The following STK32B variants were observed in gnomAD, a reference collection of about 807,000 sequenced individuals.
STK32B encodes serine/threonine-protein kinase 32B.
STK32B carries 43 observed loss-of-function variants against 52.6 expected under a neutral mutation model. The ratio of observed to expected loss-of-function variants is 0.82; its 90% CI spans 0.64 to 1.05. The LOEUF (loss-of-function observed/expected upper bound fraction) is 1.05, where lower values mean the gene tolerates loss of function less well. Ranked by LOEUF, STK32B falls within the 50% of genes least tolerant of loss-of-function variation. The pLI is 0.00. For missense variants in STK32B, 621 were observed against 534.6 expected (o/e 1.16, Z -1.59); for synonymous variants, 238 against 204.3 (o/e 1.17, Z -1.41).
At chr4:5,403,738 C>G (rs940830144) in intron 5 of STK32B, among the ~76,000 whole-genome samples, 24 of 152,068 alleles carry the variant, frequency 1.6e-4, no homozygotes, top group African/African-American at 5.8e-4. Context: ...TATGTGCTAC[C>G]CCCAGCATGC....
At chr4:5,183,638 A>G (rs2108755637) in intron 3 of STK32B, among the ~76,000 whole-genome samples, 1 of 152,338 alleles carries the variant, frequency 6.6e-6, no homozygotes, top group South Asian at 2.1e-4. Context: ...ACATTTATTA[A>G]GTTCGCCTCC....
intron 4 of STK32B, among the ~76,000 whole-genome samples, chr4:5,337,987 G>A (rs569079729): frequency 2.0e-5 from 3 of 152,262 alleles, no homozygotes; most frequent in African/African-American, 7.2e-5. Flanking sequence ...GGGAAAGCCT[G>A]GAGTTTGAAA....
At chr4:5,277,687 T>A (rs1727919023) in intron 3 of STK32B, among the ~76,000 whole-genome samples, 1 of 152,252 alleles carries the variant, frequency 6.6e-6, no homozygotes, top group African/African-American at 2.4e-5. Context: ...GCTGTGCAGT[T>A]CATCTTTGTA....
At chr4:5,284,429 T>C (rs1560285375) in intron 3 of STK32B, among the ~76,000 whole-genome samples, 1 of 152,104 alleles carries the variant, frequency 6.6e-6, no homozygotes, top group Non-Finnish European at 1.5e-5. Context: ...CATAGAATAA[T>C]AGAAGGAGTG....
intron 7 of STK32B, 121 bp from the exon 8 acceptor site, chr4:5,456,686 G>A: frequency 1.1e-6 from 1 of 919,720 alleles, no homozygotes; most frequent in Non-Finnish European, 1.6e-6. Context: ...TGAAAGAGAA[G>A]CACCCACTGT....
At chr4:5,280,351 A>T (rs1480055603) in intron 3 of STK32B, among the ~76,000 whole-genome samples, 1 of 152,006 alleles carries the variant, frequency 6.6e-6, no homozygotes, top group East Asian at 1.9e-4. Flanking sequence ...CTCAGCCTGG[A>T]CTTCACTGTC....
rs560320001 is a variant in STK32B, at chr4:5,262,580, G to A, written c.261-68640G>A. Among the ~76,000 whole-genome samples the A allele has an allele frequency of 1.7e-3, 256 of 150,214 alleles. 3 individuals carry two copies. The highest frequency in any genetic ancestry group is 6.0e-3 in the African/African-American group (246 of 40,808). The stretch of plus-strand genomic sequence containing the variant: ...ATGGAGCTTGCAGTGAGCAGGGATC[G>A]TGCCACTGCACTCCAGCCTGGGCGA... On this transcript the variant is annotated intron_variant, in intron 3 of 11. Coordinates refer to ENST00000282908, the MANE Select transcript of STK32B (RefSeq NM_018401.3).
intron 4 of STK32B, among the ~76,000 whole-genome samples, chr4:5,339,412 C>T (rs1424641571): frequency 1.3e-5 from 2 of 152,068 alleles, no homozygotes; most frequent in African/African-American, 4.8e-5. Flanking sequence ...CGTTTTTTAC[C>T]TCCTTTCTTA....
At chr4:5,494,315 TC>T (rs1720013996) in intron 11 of STK32B, among the ~76,000 whole-genome samples, 1 of 152,186 alleles carries the variant, frequency 6.6e-6, no homozygotes, top group South Asian at 2.1e-4. Flanking sequence ...GTTGAATTGA[TC>T]CCTTTACCAT....
intron 2 of STK32B, among the ~76,000 whole-genome samples, chr4:5,147,284 T>C (rs1716987060): frequency 6.6e-6 from 1 of 152,154 alleles, no homozygotes; most frequent in Non-Finnish European, 1.5e-5. Context: ...TGTATCTTAA[T>C]CTCACACCCT....
chr4:5,317,000 T>TATATAATATATAATATATATG lies in STK32B; in HGVS notation c.261-14208_261-14207insATATATATGATATAATATATA, dbSNP rs1553871399. 7.5e-5 allele frequency among the ~76,000 whole-genome samples: 2 copies of TATATAATATATAATATATATG among 26,502 alleles called. 1 individual carries two copies. The highest frequency in any genetic ancestry group is 7.3e-4 in the African/African-American group (2 of 2,736). The allele number at this position is 26,502 out of a possible 152,430, so 17.4% of individuals were successfully genotyped here. On this transcript the variant is annotated intron_variant, in intron 3 of 11. Coordinates refer to ENST00000282908, the MANE Select transcript of STK32B (RefSeq NM_018401.3). Reference sequence around the variant, plus strand: ...ATAATATATAATATATATGATATAATATATAATATATATAATATATAATAT... The same window carrying TATATAATATATAATATATATG: ...ATAATATATAATATATATGATATAATATATAATATATAATATATATGATATAATATATATAATATATAATAT...
chr4:5,466,795 G>C lies in STK32B; in HGVS notation c.1002G>C (p.Lys334Asn). The change falls in exon 10 of 12, where the codon AAG becomes AAC. Residue 334 changes from lysine (K) to asparagine (N), a missense_variant. Transcript: ENST00000282908. ...PLHKKKKRLAKNRSRDGTKDS... is the reference protein window; with the variant it reads ...PLHKKKKRLANNRSRDGTKDS... ...ACAAAAAGAAGAAGCGATTGGCAAA[G>C]AACAGATCCAGGGATGGCACAAAGG... is the stretch of plus-strand genomic sequence containing the variant. The C allele has an allele frequency of 6.2e-7, 1 of 1,614,000 alleles. No homozygotes were observed. The highest frequency in any genetic ancestry group is 8.5e-7 in the Non-Finnish European group (1 of 1,179,930).
chr4:5,252,055 A>T (rs963829208), intron 3 of STK32B, among the ~76,000 whole-genome samples: 2 of 152,198 alleles, frequency 1.3e-5, no homozygotes, highest in African/African-American at 4.8e-5. Flanking sequence ...AGATCCCCCA[A>T]CGAGTCTTTG....
intron 3 of STK32B, among the ~76,000 whole-genome samples, chr4:5,178,799 G>T (rs1468103849): frequency 6.6e-6 from 1 of 152,156 alleles, no homozygotes; most frequent in Non-Finnish European, 1.5e-5. Flanking sequence ...GACTACATCA[G>T]CCTGGACTTA....
At chr4:5,061,572 G>T (rs558350696) in intron 1 of STK32B, among the ~76,000 whole-genome samples, 158 of 152,270 alleles carry the variant, frequency 1.0e-3, no homozygotes, top group African/African-American at 3.6e-3. Context: ...ATAATTTGAG[G>T]CTTTGAATGA....
intron 3 of STK32B, among the ~76,000 whole-genome samples, chr4:5,244,115 T>C (rs55805872): frequency 0.08 from 12,163 of 152,018 alleles, 733 homozygotes; most frequent in African/African-American, 0.17. Context: ...GGGAGGATTC[T>C]GTCTTTTTCT....
intron 3 of STK32B, among the ~76,000 whole-genome samples, chr4:5,278,430 A>T (rs1727982667): frequency 2.0e-5 from 3 of 152,100 alleles, no homozygotes; most frequent in African/African-American, 7.2e-5. Flanking sequence ...CCCTTGTGAG[A>T]CAGGGAGTAT....
intron 3 of STK32B, among the ~76,000 whole-genome samples, chr4:5,250,575 A>G: frequency 6.6e-6 from 1 of 152,102 alleles, no homozygotes; most frequent in East Asian, 1.9e-4. Flanking sequence ...GGCCTCCCAA[A>G]GTGCTAGGAT....
chr4:5,189,456 G>A (rs947180420), intron 3 of STK32B, among the ~76,000 whole-genome samples: 1 of 152,100 alleles, frequency 6.6e-6, no homozygotes, highest in African/African-American at 2.4e-5. Flanking sequence ...ATGCGTTTTA[G>A]TTTTCTGTAT....
Sources: allele counts gnomAD v4.1 joint callset (sites outside exome capture counted in the v4.1 genomes callset), GRCh38; gene constraint gnomAD v4.1.1; transcripts MANE v1.5; gene names NCBI Gene and HGNC (gene_info 2026-07-23, HGNC 2026-07-21).